The following KCTD16 variants were observed in gnomAD, a reference collection of about 807,000 sequenced individuals.
KCTD16 encodes the protein BTB/POZ domain-containing protein KCTD16.
In KCTD16, 13 loss-of-function variants were observed where a neutral mutation model predicts 33.2. The ratio of observed to expected loss-of-function variants is 0.39; its 90% CI spans 0.25 to 0.62. The LOEUF is 0.62. KCTD16 is among the 20% of genes least tolerant of loss of function. The probability of loss-of-function intolerance (pLI) is 0.50; values close to 1 mark genes in which losing one functional copy is unlikely to be tolerated. For synonymous variants in KCTD16, 197 were observed against 195.3 expected (o/e 1.01, Z -0.07); for missense variants, 441 against 525.1 (o/e 0.84, Z 1.57).
At chr5:144,306,795 T>G (rs1267348809) in intron 3 of KCTD16, among the ~76,000 whole-genome samples, 2 of 152,136 alleles carry the variant, frequency 1.3e-5, no homozygotes, top group Non-Finnish European at 2.9e-5. Context: ...TCTAAATTCC[T>G]GAAAACAGGA....
At chr5:144,429,871 C>A (rs1037544690) in intron 3 of KCTD16, among the ~76,000 whole-genome samples, 2 of 151,104 alleles carry the variant, frequency 1.3e-5, no homozygotes, top group Non-Finnish European at 3.0e-5. Context: ...TTCATAAATA[C>A]CTTTAAATCT....
chr5:144,460,307 T>C (rs1185360148), intron 3 of KCTD16, among the ~76,000 whole-genome samples: 1 of 152,214 alleles, frequency 6.6e-6, no homozygotes, highest in East Asian at 1.9e-4. Flanking sequence ...TCTTTTGAAT[T>C]CTAGTCCCAA....
At chr5:144,298,341 C>T (rs571239656) in intron 3 of KCTD16, among the ~76,000 whole-genome samples, 44 of 152,248 alleles carry the variant, frequency 2.9e-4, no homozygotes, top group Non-Finnish European at 5.3e-4. Context: ...CTTTTTGGAT[C>T]ACATTGGCCA....
chr5:144,298,124 C>T (rs1251747830), intron 3 of KCTD16, among the ~76,000 whole-genome samples: 1 of 152,194 alleles, frequency 6.6e-6, no homozygotes, highest in Non-Finnish European at 1.5e-5. Flanking sequence ...GAACACTAGT[C>T]ACTGGGTTCC....
chr5:144,203,292 A>G (rs1343406011), intron 2 of KCTD16, among the ~76,000 whole-genome samples: 1 of 152,040 alleles, frequency 6.6e-6, no homozygotes, highest in African/African-American at 2.4e-5. Flanking sequence ...TGTGCTTTTT[A>G]AAAACATGTT....
chr5:144,325,347 G>C (rs1752177958), intron 3 of KCTD16, among the ~76,000 whole-genome samples: 1 of 152,120 alleles, frequency 6.6e-6, no homozygotes, highest in African/African-American at 2.4e-5. Flanking sequence ...TAGGACATCT[G>C]ATCAAGTCAC....
intron 2 of KCTD16, among the ~76,000 whole-genome samples, chr5:144,190,936 C>T (rs1434598124): frequency 6.6e-6 from 1 of 152,176 alleles, no homozygotes. Flanking sequence ...GACACACACA[C>T]ACCACAACAC....
chr5:144,338,311 A>C (rs1752541672), intron 3 of KCTD16, among the ~76,000 whole-genome samples: 1 of 152,204 alleles, frequency 6.6e-6, no homozygotes, highest in South Asian at 2.1e-4. Flanking sequence ...GCCACAGTGG[A>C]AAGAACATGG....
At chr5:144,213,124 T>G (rs887881347) in intron 3 of KCTD16, among the ~76,000 whole-genome samples, 2 of 152,108 alleles carry the variant, frequency 1.3e-5, no homozygotes, top group African/African-American at 4.8e-5. Context: ...AAATATCTAG[T>G]CAGTGTTTAA....
chr5:144,314,768 A>C (rs1751862020), intron 3 of KCTD16, among the ~76,000 whole-genome samples: 1 of 152,244 alleles, frequency 6.6e-6, no homozygotes, highest in African/African-American at 2.4e-5. Context: ...ATGCATGTAA[A>C]GAAGTGCACA....
intron 3 of KCTD16, among the ~76,000 whole-genome samples, chr5:144,324,190 G>A (rs1752146055): frequency 6.6e-6 from 1 of 152,062 alleles, no homozygotes; most frequent in Non-Finnish European, 1.5e-5. Flanking sequence ...TTACCATGAT[G>A]TAACTAAATA....
chr5:144,318,419 C>T (rs1246818147), intron 3 of KCTD16, among the ~76,000 whole-genome samples: 3 of 152,088 alleles, frequency 2.0e-5, no homozygotes, highest in Non-Finnish European at 2.9e-5. Context: ...GTTGAAGAAA[C>T]GTATGGGTTT....
rs1173509525 is a variant in KCTD16 at position 144,207,008 on chromosome 5, T to C, written c.294T>C (p.Asp98=). ...GGGACAGGCAGGTGGTCCTGCCTGATCACTTTCCAGAAAAAGGAAGACTGA... is the reference window on the plus strand; with the variant it reads ...GGGACAGGCAGGTGGTCCTGCCTGACCACTTTCCAGAAAAAGGAAGACTGA... The part of the protein sequence containing the change: ...YLRDRQVVLP[D]HFPEKGRLKR... Residue 98 remains aspartate, a synonymous_variant, in exon 3 of 4, where the codon GAT becomes GAC. Coordinates refer to ENST00000512467, the MANE Select transcript of KCTD16 (RefSeq NM_020768.4). 6.2e-7 allele frequency: 1 copy of C among 1,614,094 alleles called. No individual in the cohort carries two copies. The highest frequency in any genetic ancestry group is 1.7e-5 in the Admixed American group (1 of 60,014).
chr5:144,431,772 A>C (rs917651582), intron 3 of KCTD16, among the ~76,000 whole-genome samples: 2 of 152,178 alleles, frequency 1.3e-5, no homozygotes, highest in African/African-American at 4.8e-5. Context: ...ACACAATACT[A>C]TGTACAAAAT....
intron 3 of KCTD16, among the ~76,000 whole-genome samples, chr5:144,355,546 C>T (rs1751551530): frequency 6.6e-6 from 1 of 152,138 alleles, no homozygotes; most frequent in African/African-American, 2.4e-5. Context: ...GTGTCTCTCA[C>T]CTCTGTGGGC....
chr5:144,413,676 T>C lies in KCTD16; in HGVS notation c.833-59984T>C, dbSNP rs150036442. On this transcript the variant is annotated intron_variant, in intron 3 of 3. Coordinates refer to ENST00000512467, the MANE Select transcript of KCTD16 (RefSeq NM_020768.4). ...ATTCGTTAGTTATCTGGAATTGTGG[T>C]ATTTATTATACTAACACTAGTCATT... Among the ~76,000 whole-genome samples, 424 of 152,304 alleles carry C rather than the reference T, an allele frequency of 2.8e-3. 3 individuals are homozygous for C. The highest frequency in any genetic ancestry group is 9.8e-3 in the African/African-American group (408 of 41,568).
rs1252751568 is a variant in KCTD16 at position 144,477,097 on chromosome 5, T to G, written c.*2983T>G. 6.6e-6 allele frequency: 1 copy of G among 151,960 alleles called. No homozygotes were observed. The highest frequency in any genetic ancestry group is 1.5e-5 in the Non-Finnish European group (1 of 67,978). 9.4% of individuals were successfully genotyped at this position (151,960 alleles called of 1,614,324 possible). ...CTAAAGGTATGTGGGTTGTCTGAAGTCAGAAACATATTTACAAAGTCCTTC... is the reference window on the plus strand; with the variant it reads ...CTAAAGGTATGTGGGTTGTCTGAAGGCAGAAACATATTTACAAAGTCCTTC... On this transcript the variant is annotated 3_prime_UTR_variant, in exon 4 of 4. Transcript: ENST00000512467.
rs545215171 is a variant in KCTD16 at position 144,348,520 on chromosome 5, G to T, written c.833-125140G>T. 1.9e-3 allele frequency among the ~76,000 whole-genome samples: 294 copies of T among 152,222 alleles called. 2 individuals are homozygous for T. The highest frequency in any genetic ancestry group is 3.3e-3 in the Non-Finnish European group (223 of 68,026). The stretch of plus-strand genomic sequence containing the variant: ...TCGTGTTACTTCAGCCTATTGAGCG[G>T]GTCAGTAGTTGAACTGCCTTTCAAG... On this transcript the variant is annotated intron_variant, in intron 3 of 3. Transcript: ENST00000512467.
At chr5:144,374,749 CT>C (rs371858121) in intron 3 of KCTD16, among the ~76,000 whole-genome samples, 16 of 149,886 alleles carry the variant, frequency 1.1e-4, no homozygotes, top group Middle Eastern at 3.4e-3. Flanking sequence ...AAAATGGCTA[CT>C]TTTTTTTTTC....
Sources: gnomAD v4.1 joint callset for allele counts (sites outside exome capture counted in the v4.1 genomes callset) on GRCh38, gnomAD v4.1.1 for gene constraint, MANE v1.5 for transcripts, NCBI Gene and HGNC (gene_info 2026-07-23, HGNC 2026-07-21) for gene names.